Variants in RNASEH1 observed in about 807,000 individuals in gnomAD.
RNASEH1 encodes the protein ribonuclease H type II.
In RNASEH1, 27 loss-of-function variants were observed where a neutral mutation model predicts 34.6. That is an observed-to-expected ratio of 0.78 (90% confidence interval 0.58 to 1.08). The LOEUF (loss-of-function observed/expected upper bound fraction) is 1.08, where lower values mean the gene tolerates loss of function less well. Among genes scored for constraint, RNASEH1 ranks in the 50% least tolerant of loss-of-function variants. The pLI, the probability that RNASEH1 is intolerant of heterozygous loss-of-function variation, is 0.00. For missense variants in RNASEH1, 349 were observed against 373.6 expected, an observed-to-expected ratio of 0.93 and a Z score of 0.54; for synonymous variants, 162 against 138.4, an observed-to-expected ratio of 1.17 and a Z score of -1.20.
chr2:3,556,127 T>C (rs1298643113), intron 2 of RNASEH1, among the ~76,000 whole-genome samples: 4 of 151,804 alleles, frequency 2.6e-5, no homozygotes, highest in African/African-American at 7.3e-5. Flanking sequence ...TGAGCCAAGA[T>C]TGTGCCACTG....
rs376879287 is a variant in RNASEH1, at chr2:3,545,781, T to C, written c.*4A>G. ...AGTTCTCCCAAGGACTAAAGTCACA[T>C]GGCTCAGTCTTCCGATTGTTTAGCT... On this transcript the variant is annotated 3_prime_UTR_variant, in exon 8 of 8. Transcript: ENST00000315212. 14 of 1,607,866 alleles carry C rather than the reference T, an allele frequency of 8.7e-6. No homozygotes were observed. Among genetic ancestry groups the C allele is most frequent in the Non-Finnish European group, 1.1e-5 (13 of 1,174,256 alleles).
At chr2:3,548,466 GA>G (rs771074252) in intron 6 of RNASEH1, among the ~76,000 whole-genome samples, 173 bp downstream of exon 6, 31 of 152,302 alleles carry the variant, frequency 2.0e-4, no homozygotes, top group Non-Finnish European at 4.0e-4. Flanking sequence ...TAAGCATGTG[GA>G]AAACATCAGA....
chr2:3,537,216 CAG>C (rs1668033291), downstream of RNASEH1, among the ~76,000 whole-genome samples: 1 of 152,160 alleles, frequency 6.6e-6, no homozygotes. Context: ...TGCCATGTCA[CAG>C]AGTTTCACAG....
chr2:3,557,779 G>C (rs553554835), intron 1 of RNASEH1: 1 of 928,342 alleles, frequency 1.1e-6, no homozygotes, highest in African/African-American at 1.7e-5. Flanking sequence ...AATTTAGCTG[G>C]TACGGAAAGT....
chr2:3,548,681 T>C lies in RNASEH1; in HGVS notation c.608A>G (p.Asn203Ser), dbSNP rs755836375. 5.2e-5 allele frequency: 84 copies of C among 1,612,724 alleles called. No individual in the cohort carries two copies. Among genetic ancestry groups the C allele is most frequent in the Non-Finnish European group, 6.3e-5 (74 of 1,178,902 alleles). Residue 203 changes from asparagine (N) to serine (S), a missense_variant, in exon 6 of 8, where the codon AAT becomes AGT. By Grantham distance (46) the Asn-to-Ser change is conservative. Coordinates refer to ENST00000315212, the MANE Select transcript of RNASEH1 (RefSeq NM_002936.6). Reference sequence around the variant, plus strand: ...ACTGTCTGTATACAGAACCAGTTTATTGATGTTTTGAGTCTTTGCTTGTTC... The same window carrying C: ...ACTGTCTGTATACAGAACCAGTTTACTGATGTTTTGAGTCTTTGCTTGTTC... ...AIEQAKTQNINKLVLYTDSMF... is the reference protein window; with the variant it reads ...AIEQAKTQNISKLVLYTDSMF...
intron 2 of RNASEH1, among the ~76,000 whole-genome samples, chr2:3,555,224 G>C (rs1227687805): frequency 1.3e-5 from 2 of 152,008 alleles, no homozygotes; most frequent in Non-Finnish European, 2.9e-5. Context: ...TAACATAAAA[G>C]AAGTCTCAAG....
intron 2 of RNASEH1, among the ~76,000 whole-genome samples, chr2:3,553,656 C>G (rs963426059): frequency 6.6e-6 from 1 of 152,170 alleles, no homozygotes; most frequent in African/African-American, 2.4e-5. Context: ...TCCCACAGTG[C>G]TGGGATTACA....
chr2:3,532,808 GC>G, the RNASEH1 span, among the ~76,000 whole-genome samples: 29 of 152,220 alleles, frequency 1.9e-4, no homozygotes, highest in South Asian at 2.9e-3. Flanking sequence ...ACCCAACAAC[GC>G]CCTCCATTTG....
Position 3,542,239 on chromosome 2 carries a change from C to T in RNASEH1, c.*3546G>A, listed in dbSNP as rs1193774779. Among the ~76,000 whole-genome samples, 2 of 152,104 alleles carry T rather than the reference C, an allele frequency of 1.3e-5. No individual in the cohort carries two copies. The highest frequency in any genetic ancestry group is 4.8e-5 in the African/African-American group (2 of 41,412). On this transcript the variant is annotated 3_prime_UTR_variant, in exon 8 of 8. Coordinates refer to ENST00000315212, the MANE Select transcript of RNASEH1 (RefSeq NM_002936.6). ...TGAAGTACACATAGAAAGAGCACAC[C>T]ATACGCTTGCAAATATGGACCAGGA...
chr2:3,537,847 G>C (rs1037759333), downstream of RNASEH1, among the ~76,000 whole-genome samples: 8 of 152,062 alleles, frequency 5.3e-5, no homozygotes, highest in East Asian at 1.9e-4. Flanking sequence ...CGACCAGCTT[G>C]ATCAACATGG....
the RNASEH1 span, among the ~76,000 whole-genome samples, chr2:3,535,463 TTA>T: frequency 1.3e-5 from 2 of 151,712 alleles, no homozygotes; most frequent in Non-Finnish European, 2.9e-5. Flanking sequence ...GATGTTAACT[TTA>T]TGTTATGTAT....
At chr2:3,547,766 C>A (rs904107202) in intron 7 of RNASEH1, among the ~76,000 whole-genome samples, 165 bp downstream of exon 7, 1 of 152,124 alleles carries the variant, frequency 6.6e-6, no homozygotes, top group Non-Finnish European at 1.5e-5. Context: ...GGATTATAGG[C>A]GTGAGCCACT....
rs1243710678 is a variant in RNASEH1, at chr2:3,543,543, T to A, written c.*2242A>T. Among the ~76,000 whole-genome samples the A allele has an allele frequency of 6.6e-6, 1 of 151,764 alleles. No homozygotes were observed. The highest frequency in any genetic ancestry group is 2.4e-5 in the African/African-American group (1 of 41,258). On this transcript the variant is annotated 3_prime_UTR_variant, in exon 8 of 8. Transcript: ENST00000315212. ...AAGAGGCTCCCTCTCACTGACCGAA[T>A]AAGCTAGTCTGAGCTAAATAAAGAT... is the stretch of plus-strand genomic sequence containing the variant.
intron 5 of RNASEH1, 113 bp downstream of exon 5, chr2:3,548,945 G>T: frequency 1.0e-6 from 1 of 963,044 alleles, no homozygotes; most frequent in Non-Finnish European, 1.6e-6. Flanking sequence ...TATTAAACCC[G>T]TCTCTCTTCA....
rs2103299272 is a variant in RNASEH1 at position 3,544,701 on chromosome 2, G to A, written c.*1084C>T. 6.6e-6 allele frequency: 1 copy of A among 151,836 alleles called. No individual in the cohort carries two copies. The highest frequency in any genetic ancestry group is 1.9e-4 in the East Asian group (1 of 5,158). The allele number at this position is 151,836 out of a possible 1,614,324, so 9.4% of individuals were successfully genotyped here. On this transcript the variant is annotated 3_prime_UTR_variant, in exon 8 of 8. Transcript: ENST00000315212. ...TAATCATTCAATAAGCTATACATTT[G>A]TTTTGTGTCACTTCCTGTATGTTTT...
rs1043320447 is a variant in RNASEH1 at position 3,548,055 on chromosome 2, C to A, written c.650G>T (p.Gly217Val). 1 of 1,614,004 alleles carries A rather than the reference C, an allele frequency of 6.2e-7. No individual in the cohort carries two copies. Among genetic ancestry groups the A allele is most frequent in the Non-Finnish European group, 8.5e-7 (1 of 1,179,916 alleles). ...CCAACCTTGAACCCAGTTAGTTATACCTACAAAAATGCACGATCACTGGTG... is the reference window on the plus strand; with the variant it reads ...CCAACCTTGAACCCAGTTAGTTATAACTACAAAAATGCACGATCACTGGTG... ...LYTDSMFTINGITNWVQGWKK... is the reference protein window; with the variant it reads ...LYTDSMFTINVITNWVQGWKK... Residue 217 changes from glycine (G) to valine (V), a missense_variant and splice_region_variant, in exon 7 of 8, where the codon GGT (glycine) becomes GTT (valine). Gly to Val is a moderately radical substitution (Grantham distance 109). Transcript: ENST00000315212.
chr2:3,544,737 A>C lies in RNASEH1; in HGVS notation c.*1048T>G, dbSNP rs1668581115. On this transcript the variant is annotated 3_prime_UTR_variant, in exon 8 of 8. Transcript: ENST00000315212. ...CTTCCTGTATGTTTTTATAATAAAAAGGTTTAAAACTAAATAAATAATCAT... is the reference window on the plus strand; with the variant it reads ...CTTCCTGTATGTTTTTATAATAAAACGGTTTAAAACTAAATAAATAATCAT... The C allele has an allele frequency of 6.6e-6, 1 of 152,136 alleles. No homozygotes were observed. Among genetic ancestry groups the C allele is most frequent in the South Asian group, 2.1e-4 (1 of 4,820 alleles). 9.4% of individuals were successfully genotyped at this position (152,136 alleles called of 1,614,324 possible).
At chr2:3,538,558 CT>C (rs1254592854), downstream of RNASEH1, among the ~76,000 whole-genome samples, 1 of 152,082 alleles carries the variant, frequency 6.6e-6, no homozygotes, top group East Asian at 1.9e-4. Flanking sequence ...GAATCAGGTA[CT>C]TTCCTTTTTC....
chr2:3,550,527 C>T, intron 3 of RNASEH1, 55 bp from the exon 4 acceptor site: 1 of 1,377,524 alleles, frequency 7.3e-7, no homozygotes, highest in Non-Finnish European at 1.0e-6. Flanking sequence ...AACTGAAATT[C>T]ACCTCAAAAA....
Sources: allele counts gnomAD v4.1 joint callset (sites outside exome capture counted in the v4.1 genomes callset), GRCh38; gene constraint gnomAD v4.1.1; transcripts MANE v1.5; gene names NCBI Gene and HGNC (gene_info 2026-07-23, HGNC 2026-07-21).